NT5DC1: variants seen among roughly 807,000 people sequenced by gnomAD.
The protein encoded by NT5DC1 is 5'-nucleotidase domain-containing protein 1.
A neutral mutation model predicts 59.4 loss-of-function variants in NT5DC1; 42 were observed. That is an observed-to-expected ratio of 0.71 (90% CI 0.55 to 0.92). The LOEUF (loss-of-function observed/expected upper bound fraction) is 0.92, where lower values mean the gene tolerates loss of function less well. Among genes scored for constraint, NT5DC1 ranks in the 40% least tolerant of loss-of-function variants. NT5DC1 has a pLI of 0.00. For synonymous variants in NT5DC1, 172 were observed against 188.1 expected, an observed-to-expected ratio of 0.91 and a Z score of 0.70; for missense variants, 501 against 537.1, an observed-to-expected ratio of 0.93 and a Z score of 0.66.
At chr6:116,166,045 A>T (rs940648423) in intron 6 of NT5DC1, among the ~76,000 whole-genome samples, 2 of 152,162 alleles carry the variant, frequency 1.3e-5, no homozygotes, top group Admixed American at 6.5e-5. Context: ...GCCTGGGGTC[A>T]TGAAGGTAGA....
chr6:116,178,212 A>C (rs567628589), intron 6 of NT5DC1, among the ~76,000 whole-genome samples: 1 of 151,840 alleles, frequency 6.6e-6, no homozygotes, highest in South Asian at 2.1e-4. Flanking sequence ...GTTTGCTTGA[A>C]ACCCACAAGC....
intron 6 of NT5DC1, among the ~76,000 whole-genome samples, chr6:116,126,529 C>G (rs1779317601): frequency 6.6e-6 from 1 of 152,026 alleles, no homozygotes; most frequent in African/African-American, 2.4e-5. Flanking sequence ...GAAGGGGGTA[C>G]TGGATTTAGA....
At chr6:116,151,935 A>T (rs1291011665) in intron 6 of NT5DC1, among the ~76,000 whole-genome samples, 9 of 152,250 alleles carry the variant, frequency 5.9e-5, no homozygotes, top group African/African-American at 2.2e-4. Flanking sequence ...TTATAAGAAC[A>T]TGTTATTTGG....
intron 6 of NT5DC1, among the ~76,000 whole-genome samples, chr6:116,124,363 G>A (rs183140125): frequency 2.0e-5 from 3 of 152,214 alleles, no homozygotes; most frequent in Non-Finnish European, 2.9e-5. Context: ...ATAGGCGGTC[G>A]TGTCAGTTGC....
intron 8 of NT5DC1, among the ~76,000 whole-genome samples, chr6:116,236,359 A>G (rs1374810418): frequency 6.6e-6 from 1 of 152,184 alleles, no homozygotes; most frequent in Non-Finnish European, 1.5e-5. Context: ...AGGCAAAGAC[A>G]TTTACCTCTT....
chr6:116,118,779 G>C (rs1165570995), intron 6 of NT5DC1: 2 of 152,108 alleles, frequency 1.3e-5, no homozygotes, highest in Non-Finnish European at 2.9e-5. Flanking sequence ...TCTATCCCTA[G>C]TCATCAGCCC....
At chr6:116,103,253 C>G (rs1778699944) in intron 1 of NT5DC1, among the ~76,000 whole-genome samples, 1 of 152,088 alleles carries the variant, frequency 6.6e-6, no homozygotes, top group Non-Finnish European at 1.5e-5. Flanking sequence ...AGCCATGATT[C>G]TAATAAGCAT....
In NT5DC1 at chr6:116,110,863, A is replaced by G; in HGVS notation, c.271A>G (p.Thr91Ala). 8 of 1,613,784 alleles carry G rather than the reference A, an allele frequency of 5.0e-6. No individual in the cohort carries two copies. The highest frequency in any genetic ancestry group is 6.8e-6 in the Non-Finnish European group (8 of 1,179,610). ...TCTCAAAATCAGGGCAAGCCATGGC[A>G]CCAAGATGATGACTCCAGAGGTGCT... is the stretch of plus-strand genomic sequence containing the variant. ...NGTVLRASHG[T>A]KMMTPEVLAE... Residue 91 changes from threonine (T) to alanine (A), a missense_variant, in exon 4 of 12, where the codon ACC becomes GCC. Transcript: ENST00000319550.
rs1485307336 is a variant in NT5DC1, at chr6:116,120,683, G to A, written c.529+2738G>A. On this transcript the variant is annotated intron_variant, in intron 6 of 11. Coordinates refer to ENST00000319550, the MANE Select transcript of NT5DC1 (RefSeq NM_152729.3). ...ATTGAGGCCCTTAGTTGCTATGCCAGCTGGGCCAGGAGGACCGGGACTTCC... is the reference window on the plus strand; with the variant it reads ...ATTGAGGCCCTTAGTTGCTATGCCAACTGGGCCAGGAGGACCGGGACTTCC... 12 of 1,547,020 alleles carry A rather than the reference G, an allele frequency of 7.8e-6. No individual in the cohort carries two copies. The highest frequency in any genetic ancestry group is 5.1e-5 in the South Asian group (4 of 78,902).
rs1241122736 is a variant in NT5DC1 at position 116,238,218 on chromosome 6, A to G, written c.953A>G (p.Asp318Gly). 1 of 1,612,452 alleles carries G rather than the reference A, an allele frequency of 6.2e-7. No individual in the cohort carries two copies. The highest frequency in any genetic ancestry group is 1.3e-5 in the African/African-American group (1 of 74,906). Reference protein sequence around the residue: ...VVYFGDSMHSDIFPARHYSNW... With the variant: ...VVYFGDSMHSGIFPARHYSNW... ...TATTTTGGTGACAGCATGCATTCAG[A>G]TATTTTCCCAGCTCGTCACTATAGT... is the stretch of plus-strand genomic sequence containing the variant. Residue 318 changes from aspartate (D) to glycine (G), a missense_variant, in exon 10 of 12, where the codon GAT (aspartate) becomes GGT (glycine). Physicochemically the swap from Asp to Gly is moderately conservative, Grantham distance 94 (BLOSUM62 -1). Transcript: ENST00000319550.
intron 6 of NT5DC1, among the ~76,000 whole-genome samples, chr6:116,135,315 TA>T (rs1779560501): frequency 6.6e-6 from 1 of 152,094 alleles, no homozygotes; most frequent in African/African-American, 2.4e-5. Context: ...ATTGCATCAA[TA>T]TCATTAAAAT....
Position 116,101,217 on chromosome 6 carries a change from C to G in NT5DC1, c.93+194C>G, listed in dbSNP as rs145058697. Among the ~76,000 whole-genome samples, 508 of 152,282 alleles carry G rather than the reference C, an allele frequency of 3.3e-3. 2 individuals carry two copies. Among genetic ancestry groups the G allele is most frequent in the Non-Finnish European group, 5.5e-3 (377 of 68,024 alleles). On this transcript the variant is annotated intron_variant, in intron 1 of 11. Transcript: ENST00000319550. ...CCGCTCCGCGCCGGTGCCGTGGGGA[C>G]CGGCACATTTACCTCAGCCATTAGC...
At chr6:116,139,615 TA>T (rs1441491974) in intron 6 of NT5DC1, among the ~76,000 whole-genome samples, 2 of 152,170 alleles carry the variant, frequency 1.3e-5, no homozygotes, top group Non-Finnish European at 2.9e-5. Flanking sequence ...TTCCAGTTTT[TA>T]AAATTTGGTT....
chr6:116,236,371 C>A (rs1782114110), intron 8 of NT5DC1, among the ~76,000 whole-genome samples: 2 of 152,306 alleles, frequency 1.3e-5, no homozygotes, highest in African/African-American at 4.8e-5. Context: ...TTACCTCTTT[C>A]ACTAGCCCTG....
In NT5DC1 at chr6:116,204,837, G is replaced by A. The variant is rs138090013; in HGVS notation, c.530-16217G>A. ...GTAGAACAATGAATAGTGTGTAGTA[G>A]GTGCTCAGTAATTATTTGTTATAAT... On this transcript the variant is annotated intron_variant, in intron 6 of 11. Coordinates refer to ENST00000319550, the MANE Select transcript of NT5DC1 (RefSeq NM_152729.3). Among the ~76,000 whole-genome samples the A allele has an allele frequency of 1.1e-3, 169 of 152,052 alleles. No homozygotes were observed. The Middle Eastern group carries it at 0.017, about 15-fold the overall frequency.
At chr6:116,173,482 C>G (rs908575292) in intron 6 of NT5DC1, among the ~76,000 whole-genome samples, 1 of 152,040 alleles carries the variant, frequency 6.6e-6, no homozygotes, top group Non-Finnish European at 1.5e-5. Flanking sequence ...GCCTGTCAGT[C>G]CCTTTAGAGC....
At chr6:116,111,578 T>G (rs1009603690) in intron 4 of NT5DC1, among the ~76,000 whole-genome samples, 5 of 152,246 alleles carry the variant, frequency 3.3e-5, no homozygotes, top group Non-Finnish European at 7.3e-5. Flanking sequence ...GTTTTTTTAT[T>G]TGTTCCAATT....
chr6:116,202,207 A>G (rs927997989), intron 6 of NT5DC1, among the ~76,000 whole-genome samples: 1 of 151,938 alleles, frequency 6.6e-6, no homozygotes, highest in African/African-American at 2.4e-5. Context: ...AGGCTCCCCT[A>G]CCTTAGCTCT....
At chr6:116,214,582 A>C (rs1781654115) in intron 6 of NT5DC1, among the ~76,000 whole-genome samples, 1 of 152,110 alleles carries the variant, frequency 6.6e-6, no homozygotes, top group Admixed American at 6.6e-5. Context: ...GCACATCTTC[A>C]GGCCCCACCC....
Sources: gnomAD v4.1 joint callset for allele counts (sites outside exome capture counted in the v4.1 genomes callset) on GRCh38, gnomAD v4.1.1 for gene constraint, MANE v1.5 for transcripts, NCBI Gene and HGNC (gene_info 2026-07-23, HGNC 2026-07-21) for gene names.